Variants in ITFG1 observed in about 807,000 individuals in gnomAD.
ITFG1 encodes the protein T-cell immunomodulatory protein.
In ITFG1, 34 loss-of-function variants were observed where a neutral mutation model predicts 81.8. The observed-to-expected ratio is 0.42, with a 90% CI of 0.32 to 0.55. The LOEUF is 0.55. Ranked by LOEUF, ITFG1 falls within the 20% of genes least tolerant of loss-of-function variation. ITFG1 has a pLI of 0.17. For synonymous variants in ITFG1, 285 were observed against 270.6 expected (o/e 1.05, Z -0.52); for missense variants, 672 against 755.4 (o/e 0.89, Z 1.29).
chr16:47,185,944 C>G (rs1353475004), intron 14 of ITFG1, among the ~76,000 whole-genome samples: 1 of 152,190 alleles, frequency 6.6e-6, no homozygotes, highest in Non-Finnish European at 1.5e-5. Flanking sequence ...ACCGATCCCA[C>G]AGAAATACAA....
intron 8 of ITFG1, among the ~76,000 whole-genome samples, chr16:47,348,697 G>T (rs2151580363): frequency 6.6e-6 from 1 of 152,216 alleles, no homozygotes; most frequent in South Asian, 2.1e-4. Context: ...TCAAATTCAG[G>T]AAATACAGAG....
At chr16:47,313,588 C>T (rs543667805) in intron 9 of ITFG1, 141 bp downstream of exon 9, 4 of 405,182 alleles carry the variant, frequency 9.9e-6, no homozygotes, top group African/African-American at 4.1e-5. Context: ...AAATGCATTT[C>T]ATTAAGTTAA....
intron 6 of ITFG1, among the ~76,000 whole-genome samples, chr16:47,398,821 C>CTTTATATAGTATTAAAGTAT (rs1227419774): frequency 2.0e-5 from 3 of 152,208 alleles, no homozygotes; most frequent in Admixed American, 6.5e-5. Context: ...AATACTATTT[C>CTTTATATAGTATTAAAGTAT]AATGGCACTT....
intron 10 of ITFG1, among the ~76,000 whole-genome samples, chr16:47,309,209 C>T (rs562742908): frequency 6.6e-6 from 1 of 151,986 alleles, no homozygotes; most frequent in South Asian, 2.1e-4. Context: ...GCTGGGACTA[C>T]AGGCGCCCAC....
intron 12 of ITFG1, among the ~76,000 whole-genome samples, chr16:47,254,999 A>C (rs993205787): frequency 2.0e-5 from 3 of 152,202 alleles, no homozygotes; most frequent in Non-Finnish European, 4.4e-5. Flanking sequence ...AGGCATGAGA[A>C]TTGCTTCAAC....
intron 7 of ITFG1, among the ~76,000 whole-genome samples, chr16:47,375,409 TAA>T (rs879838717): frequency 7.0e-6 from 1 of 142,994 alleles, no homozygotes; most frequent in Admixed American, 7.0e-5. Context: ...TACTTACAAT[TAA>T]AAAAAAAAAA....
At chr16:47,404,184 A>G (rs1198865140) in intron 6 of ITFG1, among the ~76,000 whole-genome samples, 1 of 152,156 alleles carries the variant, frequency 6.6e-6, no homozygotes, top group Non-Finnish European at 1.5e-5. Context: ...ATCCTCAAGA[A>G]CACAGACAGT....
chr16:47,161,055 T>C (rs1337095217), intron 16 of ITFG1, among the ~76,000 whole-genome samples: 2 of 152,214 alleles, frequency 1.3e-5, no homozygotes, highest in Non-Finnish European at 2.9e-5. Flanking sequence ...TTTTTCCCTA[T>C]GAAATTTAAA....
intron 9 of ITFG1, chr16:47,312,374 A>G (rs564709654): frequency 7.2e-5 from 11 of 152,316 alleles, no homozygotes; most frequent in African/African-American, 2.4e-4. Flanking sequence ...TGCAAGTCAA[A>G]TTATATTAAA....
chr16:47,383,659 A>G (rs1205872301), intron 6 of ITFG1, among the ~76,000 whole-genome samples: 1 of 152,220 alleles, frequency 6.6e-6, no homozygotes, highest in Non-Finnish European at 1.5e-5. Context: ...TAATCCCAAC[A>G]CTTTGGGAGG....
At chr16:47,423,930 A>G (rs1968985095) in intron 6 of ITFG1, among the ~76,000 whole-genome samples, 1 of 152,130 alleles carries the variant, frequency 6.6e-6, no homozygotes, top group African/African-American at 2.4e-5. Flanking sequence ...CTCAAGGAGT[A>G]TCTTTGTGGT....
At chr16:47,268,816 A>C (rs999529544) in intron 10 of ITFG1, among the ~76,000 whole-genome samples, 2 of 152,272 alleles carry the variant, frequency 1.3e-5, no homozygotes, top group African/African-American at 4.8e-5. Context: ...AATCATGACC[A>C]AGTTGAATTT....
chr16:47,169,155 TG>T (rs1964928467), intron 14 of ITFG1, among the ~76,000 whole-genome samples: 1 of 152,192 alleles, frequency 6.6e-6, no homozygotes, highest in Non-Finnish European at 1.5e-5. Flanking sequence ...ATTTGGAAAG[TG>T]TAAGTCCTCT....
At chr16:47,370,096 T>C (rs576703660) in intron 7 of ITFG1, among the ~76,000 whole-genome samples, 11 of 152,230 alleles carry the variant, frequency 7.2e-5, no homozygotes, top group African/African-American at 2.6e-4. Flanking sequence ...CACCTTGGCC[T>C]TCCAAAGTGC....
chr16:47,347,009 CA>C, intron 8 of ITFG1, among the ~76,000 whole-genome samples: 2 of 152,300 alleles, frequency 1.3e-5, no homozygotes, highest in Middle Eastern at 3.4e-3. Context: ...AATGCCTCAA[CA>C]AAACACTGGC....
intron 14 of ITFG1, among the ~76,000 whole-genome samples, chr16:47,181,212 C>T (rs1213682582): frequency 6.7e-6 from 1 of 149,352 alleles, no homozygotes; most frequent in Non-Finnish European, 1.5e-5. Flanking sequence ...GTGAGGAGAC[C>T]CTCTGCCCGG....
intron 10 of ITFG1, among the ~76,000 whole-genome samples, chr16:47,306,666 G>A (rs1967164361): frequency 6.6e-6 from 1 of 150,522 alleles, no homozygotes; most frequent in South Asian, 2.1e-4. Flanking sequence ...AAAAAAACTT[G>A]AAGAAAGCAA....
chr16:47,319,320 C>T (rs1967413013), intron 8 of ITFG1, among the ~76,000 whole-genome samples: 1 of 152,174 alleles, frequency 6.6e-6, no homozygotes, highest in Non-Finnish European at 1.5e-5. Context: ...TTTATCACTG[C>T]TACTGAATCC....
chr16:47,156,298 GT>G (rs1964704803), intron 17 of ITFG1, among the ~76,000 whole-genome samples: 1 of 152,192 alleles, frequency 6.6e-6, no homozygotes, highest in Admixed American at 6.5e-5. Flanking sequence ...AATTAGCTGA[GT>G]GTGGTGGTGG....
Sources: gnomAD v4.1 joint callset for allele counts (sites outside exome capture counted in the v4.1 genomes callset) on GRCh38, gnomAD v4.1.1 for gene constraint, MANE v1.5 for transcripts, NCBI Gene and HGNC (gene_info 2026-07-23, HGNC 2026-07-21) for gene names.